PLEC: variants seen among roughly 807,000 people sequenced by gnomAD.
The protein encoded by PLEC is plectin.
Under a neutral mutation model 392.8 loss-of-function variants are expected in PLEC, and 216 were observed. The ratio of observed to expected loss-of-function variants is 0.55; its 90% CI spans 0.49 to 0.62. PLEC has a LOEUF of 0.62. PLEC is among the 20% of genes least tolerant of loss of function. The pLI, the probability that PLEC is intolerant of heterozygous loss-of-function variation, is 0.00. For missense variants in PLEC, 6,863 were observed against 6,563.4 expected (o/e 1.05, Z -1.58); for synonymous variants, 3,621 against 2,980.6 (o/e 1.21, Z -7.00).
upstream of PLEC, among the ~76,000 whole-genome samples, chr8:143,957,067 A>AG (rs1165893487): frequency 2.6e-5 from 4 of 151,970 alleles, no homozygotes; most frequent in African/African-American, 7.3e-5. Flanking sequence ...TGCAGCCGGG[A>AG]GGGGGGCGCC....
rs782038680 is a variant in PLEC at position 143,920,691 on chromosome 8, G to A, written c.9130C>T (p.Leu3044=). The A allele has an allele frequency of 1.2e-5, 20 of 1,602,700 alleles. No individual in the cohort carries two copies. The highest frequency in any genetic ancestry group is 1.7e-5 in the Non-Finnish European group (20 of 1,179,906). The change falls in exon 32 of 32, where the codon CTG becomes TTG. Residue 3044 remains leucine, a synonymous_variant. Transcript: ENST00000345136. ...TCGGATGGCAGCAGGTCTTTCTTCAGGGCATTGTAGATACTCAGCTTCTGC... is the reference window on the plus strand; with the variant it reads ...TCGGATGGCAGCAGGTCTTTCTTCAAGGCATTGTAGATACTCAGCTTCTGC... ...AGQKLSIYNA[L]KKDLLPSDMA...
rs1554677028 is a variant in PLEC, at chr8:143,919,058, C to T, written c.10763G>A (p.Trp3588Ter). 6.2e-7 allele frequency: 1 copy of T among 1,611,450 alleles called. No individual in the cohort carries two copies. The highest frequency in any genetic ancestry group is 1.7e-5 in the Admixed American group (1 of 60,026). ...GATCAGGTCCGACTGCATCACCTCCCACAGGGACATGGTGGAGCCGCCGTG... is the reference window on the plus strand; with the variant it reads ...GATCAGGTCCGACTGCATCACCTCCTACAGGGACATGGTGGAGCCGCCGTG... Reference protein sequence around the residue: ...GSHGGSTMSLWEVMQSDLIPE... With the variant: ...GSHGGSTMSL The change falls in exon 32 of 32, where the codon TGG becomes TAG. Residue 3588 changes from tryptophan to a stop codon, truncating the protein, a stop_gained. Coordinates refer to ENST00000345136, the MANE Select transcript of PLEC (RefSeq NM_201384.3). LOFTEE classifies it high-confidence loss of function.
upstream of PLEC, chr8:143,939,679 G>A (rs1554727086): frequency 2.7e-5 from 38 of 1,383,100 alleles, no homozygotes; most frequent in Admixed American, 6.0e-5. Flanking sequence ...CCAGGCCGCC[G>A]CCAGGGAGGG....
In PLEC at chr8:143,916,004, C is replaced by G. The variant is rs1057325226; in HGVS notation, c.*173G>C. The G allele has an allele frequency of 7.6e-6, 4 of 524,186 alleles. No individual in the cohort carries two copies. In the Admixed American group the frequency reaches 1.1e-4, roughly 14 times the overall value. 32.5% of individuals were successfully genotyped at this position (524,186 alleles called of 1,614,324 possible). On this transcript the variant is annotated 3_prime_UTR_variant, in exon 32 of 32. Transcript: ENST00000345136. ...GCAGGGCTGGGCCAGCCCTGTCCCC[C>G]AAGATACAGGCTGTCTGGACAGCAG...
intron 25 of PLEC, among the ~76,000 whole-genome samples, chr8:143,928,587 ACAGCGGG>A (rs1229184228): frequency 0.076 from 8,185 of 107,642 alleles, 1,466 homozygotes; most frequent in African/African-American, 0.34. Flanking sequence ...TGAGGAGTAG[ACAGCGGG>A]TGGACCTGTG....
At chr8:143,942,269 TGCACCGGGCCAAGGCG>T, upstream of PLEC, 1 of 1,166,628 alleles carries the variant, frequency 8.6e-7, no homozygotes, top group South Asian at 1.3e-5. Context: ...GGGGCAAGGC[TGCACCGGGCCAAGGCG>T]CCACCCCCAT....
chr8:143,960,770 C>A (rs782175896), intron 1 of PLEC, among the ~76,000 whole-genome samples: 1 of 152,336 alleles, frequency 6.6e-6, no homozygotes, highest in African/African-American at 2.4e-5. Context: ...TGTCTCCCCC[C>A]ACCCACACAC....
chr8:143,925,718 C>G lies in PLEC; in HGVS notation c.4211G>C (p.Arg1404Pro). The G allele has an allele frequency of 1.3e-6, 2 of 1,595,510 alleles. No homozygotes were observed. Among genetic ancestry groups the G allele is most frequent in the Non-Finnish European group, 1.7e-6 (2 of 1,178,010 alleles). ...QQRMQEEVVRREEAAVDAQQQ... is the reference protein window; with the variant it reads ...QQRMQEEVVRPEEAAVDAQQQ... ...CTGCGCGTCCACCGCCGCCTCCTCC[C>G]GCCGCACCACCTCCTCCTGCATGCG... Residue 1404 changes from arginine (R) to proline (P), a missense_variant, in exon 31 of 32, where the codon CGG becomes CCG. Coordinates refer to ENST00000345136, the MANE Select transcript of PLEC (RefSeq NM_201384.3).
In PLEC at chr8:143,933,221, G is replaced by A. The variant is rs781867790; in HGVS notation, c.1394C>T (p.Pro465Leu). The A allele has an allele frequency of 3.5e-5, 56 of 1,612,736 alleles. No homozygotes were observed. The highest frequency in any genetic ancestry group is 3.3e-4 in the Middle Eastern group (2 of 6,084). The change falls in exon 13 of 32, where the codon CCG becomes CTG. Residue 465 changes from proline to leucine, a missense_variant. By Grantham distance (98) the Pro-to-Leu change is moderately conservative. Transcript: ENST00000345136. ...DVQTLKDGRH[P>L]QGEQMYRRVY... ...CCTGCGGTACATCTGCTCGCCCTGC[G>A]GGTGCCGTCCATCCTTGAGGGTCTG...
rs142185486 is a variant in PLEC, at chr8:143,922,759, G to A, written c.7170C>T (p.Ala2390=). The A allele has an allele frequency of 1.4e-5, 23 of 1,608,208 alleles. No homozygotes were observed. Among genetic ancestry groups the A allele is most frequent in the Middle Eastern group, 3.7e-4 (2 of 5,430 alleles). Residue 2390 remains alanine (A), a synonymous_variant, in exon 31 of 32, where the codon GCC becomes GCT. Coordinates refer to ENST00000345136, the MANE Select transcript of PLEC (RefSeq NM_201384.3). The part of the protein sequence containing the change: ...AEAERLKLRV[A]EMSRAQARAE... The stretch of plus-strand genomic sequence containing the variant: ...CGCGGGCCTGGGCTCGGCTCATCTC[G>A]GCCACACGCAGCTTGAGGCGCTCAG...
intron 10 of PLEC, 73 bp downstream of exon 10, chr8:143,934,562 G>A (rs1289634521): frequency 1.2e-6 from 2 of 1,600,170 alleles, no homozygotes; most frequent in African/African-American, 2.7e-5. Context: ...GCAGGGCCAG[G>A]TCGGCTCCGG....
intron 1 of PLEC, chr8:143,950,147 G>GCCA: frequency 6.8e-7 from 1 of 1,468,704 alleles, no homozygotes; most frequent in African/African-American, 1.4e-5. Context: ...ACCCCTACTT[G>GCCA]CCACCCATCA....
At chr8:143,952,181 AACACAC>A (rs66992958), upstream of PLEC, among the ~76,000 whole-genome samples, 434 of 140,294 alleles carry the variant, frequency 3.1e-3, 10 homozygotes, top group South Asian at 0.048. Context: ...GCAGGCTCCA[AACACAC>A]ACACACACAC....
rs11997227 is a variant in PLEC at position 143,916,158 on chromosome 8, G to C, written c.*19C>G. The C allele has an allele frequency of 9.2e-6, 14 of 1,522,034 alleles. No individual in the cohort carries two copies. Among genetic ancestry groups the C allele is most frequent in the Admixed American group, 2.1e-5 (1 of 47,864 alleles). The allele number at this position is 1,522,034 out of a possible 1,614,324, so 94.3% of individuals were successfully genotyped here. On this transcript the variant is annotated 3_prime_UTR_variant, in exon 32 of 32. Transcript: ENST00000345136. ...AGCCGGGCTGGGCCGCATGCAGAGC[G>C]GGGTGGGCGCAGGCAGCCTCAGGCC... is the stretch of plus-strand genomic sequence containing the variant.
At position 143,916,381 on chromosome 8, in the gene PLEC, G is replaced by A. The variant is rs1586745580; in HGVS notation, c.13440C>T (p.Val4480=). 3 of 1,610,710 alleles carry A rather than the reference G, an allele frequency of 1.9e-6. No individual in the cohort carries two copies. The South Asian group carries it at 3.3e-5, about 18-fold the overall frequency. The change falls in exon 32 of 32, where the codon GTC becomes GTT. Residue 4480 remains valine (V), a synonymous_variant. Transcript: ENST00000345136. ...STKGYYSPYS[V]SGSGSTAGSR... ...AGCCAGCGGTAGAGCCGGAGCCGCT[G>A]ACGCTGTAGGGGCTGTAGTAGCCCT...
At chr8:143,956,107 C>T (rs1327539444), upstream of PLEC, among the ~76,000 whole-genome samples, 5 of 152,184 alleles carry the variant, frequency 3.3e-5, no homozygotes, top group Admixed American at 1.3e-4. Context: ...GCCACCGCAC[C>T]GGGCTAATTT....
In PLEC at chr8:143,934,681, T is replaced by C. The variant is rs1554721229; in HGVS notation, c.995A>G (p.Lys332Arg). 1 of 1,613,062 alleles carries C rather than the reference T, an allele frequency of 6.2e-7. No individual in the cohort carries two copies. Among genetic ancestry groups the C allele is most frequent in the East Asian group, 2.2e-5 (1 of 44,882 alleles). Residue 332 changes from lysine to arginine, a missense_variant, in exon 10 of 32, where the codon AAG becomes AGG. Physicochemically the swap from Lys to Arg is conservative, Grantham distance 26 (BLOSUM62 2). Coordinates refer to ENST00000345136, the MANE Select transcript of PLEC (RefSeq NM_201384.3). ...LKFKEMELPA[K>R]EADKNRSKGI... ...CTTGGACCTGTTCTTGTCGGCCTCC[T>C]TGGCTGGTAGCTCCATCTCCTTAAA...
Position 143,919,349 on chromosome 8 carries a change from C to T in PLEC, c.10472G>A (p.Arg3491His), listed in dbSNP as rs374469690. Reference protein sequence around the residue: ...HRVPVDVAYQRGYFSEEMNRV... With the variant: ...HRVPVDVAYQHGYFSEEMNRV... ...GTTCATCTCCTCACTGAAGTAGCCGCGCTGGTAGGCCACGTCCACAGGCAC... is the reference window on the plus strand; with the variant it reads ...GTTCATCTCCTCACTGAAGTAGCCGTGCTGGTAGGCCACGTCCACAGGCAC... Residue 3491 changes from arginine (R) to histidine (H), a missense_variant, in exon 32 of 32, where the codon CGC becomes CAC. Transcript: ENST00000345136. 2.1e-4 allele frequency: 336 copies of T among 1,613,892 alleles called. No homozygotes were observed. Among genetic ancestry groups the T allele is most frequent in the East Asian group, 1.5e-3 (68 of 44,874 alleles).
At chr8:143,933,751 C>G (rs376893663) in intron 12 of PLEC, among the ~76,000 whole-genome samples, 1 of 152,140 alleles carries the variant, frequency 6.6e-6, no homozygotes, top group East Asian at 1.9e-4. Context: ...CTGGCGGGGG[C>G]AAGGCAGCCC....
Sources: gnomAD v4.1 joint callset for allele counts (sites outside exome capture counted in the v4.1 genomes callset) on GRCh38, gnomAD v4.1.1 for gene constraint, MANE v1.5 for transcripts, NCBI Gene and HGNC (gene_info 2026-07-23, HGNC 2026-07-21) for gene names.